IRAK1BP1: variants seen among roughly 807,000 people sequenced by gnomAD.
The protein encoded by IRAK1BP1 is interleukin-1 receptor-associated kinase 1-binding protein 1.
IRAK1BP1 carries 24 observed loss-of-function variants against 28.0 expected under a neutral mutation model. The ratio of observed to expected loss-of-function variants is 0.86; its 90% CI spans 0.62 to 1.20. The LOEUF (loss-of-function observed/expected upper bound fraction) is 1.20. Ranked by LOEUF, IRAK1BP1 falls within the 50% of genes most tolerant of loss-of-function variation. IRAK1BP1 has a pLI of 0.00. For synonymous variants in IRAK1BP1, 131 were observed against 116.3 expected, an observed-to-expected ratio of 1.13 and a Z score of -0.81; for missense variants, 336 against 316.7, an observed-to-expected ratio of 1.06 and a Z score of -0.46.
At chr6:78,968,155 T>C in the IRAK1BP1 span, among the ~76,000 whole-genome samples, 1 of 152,086 alleles carries the variant, frequency 6.6e-6, no homozygotes, top group East Asian at 1.9e-4. Context: ...TAAAATACAA[T>C]TTATCATATC....
chr6:78,973,868 T>A, the IRAK1BP1 span, among the ~76,000 whole-genome samples: 1 of 151,646 alleles, frequency 6.6e-6, no homozygotes, highest in East Asian at 2.0e-4. Context: ...GCACCCAGAT[T>A]CATAAAGCAA....
At chr6:78,921,066 C>A (rs1772710758) in intron 4 of IRAK1BP1, among the ~76,000 whole-genome samples, 1 of 152,190 alleles carries the variant, frequency 6.6e-6, no homozygotes, top group Non-Finnish European at 1.5e-5. Flanking sequence ...TGGGGATTGT[C>A]ATCCAGTGGG....
chr6:78,971,040 C>G, the IRAK1BP1 span: 664 of 590,574 alleles, frequency 1.1e-3, 6 homozygotes, highest in East Asian at 0.018. Context: ...CTCAAGTTGT[C>G]TTAACATCAC....
At chr6:78,946,089 A>G in exon 5 of IRAK1BP1, 1 of 1,613,620 alleles carries the variant, frequency 6.2e-7, no homozygotes, top group Non-Finnish European at 8.5e-7. Flanking sequence ...TGACAACTGG[A>G]TCTACAACCA....
chr6:78,965,526 A>G, the IRAK1BP1 span, among the ~76,000 whole-genome samples: 1 of 152,214 alleles, frequency 6.6e-6, no homozygotes, highest in East Asian at 1.9e-4. Context: ...AGTTATATCT[A>G]TCTTCTTCAC....
At chr6:78,870,918 C>T (rs2127664356) in intron 1 of IRAK1BP1, among the ~76,000 whole-genome samples, 1 of 152,068 alleles carries the variant, frequency 6.6e-6, no homozygotes, top group East Asian at 1.9e-4. Context: ...ACTGTGTTGG[C>T]CAGGCTGGTC....
At chr6:78,877,649 C>G (rs1172530244) in intron 1 of IRAK1BP1, among the ~76,000 whole-genome samples, 1 of 152,198 alleles carries the variant, frequency 6.6e-6, no homozygotes, top group Non-Finnish European at 1.5e-5. Flanking sequence ...GGGTGCGGGA[C>G]AGTGGGTGCA....
chr6:78,945,972 T>C, exon 5 of IRAK1BP1: 2 of 1,525,988 alleles, frequency 1.3e-6, no homozygotes, highest in African/African-American at 1.4e-5. Context: ...AATCATCATA[T>C]ACATTTCAAT....
the IRAK1BP1 span, among the ~76,000 whole-genome samples, chr6:78,961,155 G>A: frequency 2.6e-5 from 4 of 152,074 alleles, no homozygotes; most frequent in Admixed American, 2.0e-4. Context: ...TTGAAATTAT[G>A]CCTGGGCCAT....
the IRAK1BP1 span, chr6:78,961,641 AAAG>A: frequency 6.3e-7 from 1 of 1,592,730 alleles, no homozygotes; most frequent in Non-Finnish European, 8.6e-7. Flanking sequence ...AAATGGGTGG[AAAG>A]ATCACCAGCT....
chr6:78,880,784 C>T (rs1207120919), intron 1 of IRAK1BP1, among the ~76,000 whole-genome samples: 1 of 152,180 alleles, frequency 6.6e-6, no homozygotes, highest in East Asian at 1.9e-4. Flanking sequence ...AGATACTCAA[C>T]ATTACTTGTC....
intron 4 of IRAK1BP1, among the ~76,000 whole-genome samples, chr6:78,920,652 C>T (rs1331544694): frequency 1.3e-5 from 2 of 152,108 alleles, no homozygotes; most frequent in Non-Finnish European, 2.9e-5. Flanking sequence ...GATTTGAAGA[C>T]ATAAATGTAA....
At chr6:78,872,073 C>T (rs1562073578) in intron 1 of IRAK1BP1, 1 of 698,476 alleles carries the variant, frequency 1.4e-6, no homozygotes, top group Non-Finnish European at 2.6e-6. Flanking sequence ...ACTAGAATGA[C>T]TGAGGGAAAT....
downstream of IRAK1BP1, among the ~76,000 whole-genome samples, chr6:78,906,626 C>T (rs540524134): frequency 3.3e-5 from 5 of 152,114 alleles, no homozygotes; most frequent in Non-Finnish European, 7.4e-5. Flanking sequence ...CATTCCTCTA[C>T]TCCCCACCCC....
chr6:78,969,105 A>C, the IRAK1BP1 span, among the ~76,000 whole-genome samples: 2 of 152,188 alleles, frequency 1.3e-5, no homozygotes, highest in African/African-American at 4.8e-5. Flanking sequence ...ATGAGATGTA[A>C]ATTTTCTTTC....
the IRAK1BP1 span, among the ~76,000 whole-genome samples, chr6:78,976,060 T>G: frequency 6.3e-4 from 96 of 152,114 alleles, 1 homozygote; most frequent in South Asian, 8.1e-3. Context: ...AGGGCCCGCA[T>G]TGCCAAGTCA....
At chr6:78,924,386 A>G (rs1365672215) in intron 4 of IRAK1BP1, among the ~76,000 whole-genome samples, 2 of 152,200 alleles carry the variant, frequency 1.3e-5, no homozygotes, top group East Asian at 3.9e-4. Flanking sequence ...GAATCCCTGA[A>G]TAGAGCAATA....
At position 78,895,976 on chromosome 6, in the gene IRAK1BP1, C is replaced by G. The variant is rs568368121; in HGVS notation, c.382-1853C>G. Among the ~76,000 whole-genome samples, 4 of 152,224 alleles carry G rather than the reference C, an allele frequency of 2.6e-5. No homozygotes were observed. In the South Asian group the frequency reaches 8.3e-4, roughly 32 times the overall value. ...AAATCTGATAGAATCTACAAAAAAG[C>G]TATTAGAACTAGTAAACATCAAAAA... is the stretch of plus-strand genomic sequence containing the variant. On this transcript the variant is annotated intron_variant, in intron 2 of 3. Coordinates refer to ENST00000369940, the MANE Select transcript of IRAK1BP1 (RefSeq NM_001010844.4).
rs12193104 is a variant in IRAK1BP1, at chr6:78,873,197, G to A, written c.315+5306G>A. Among the ~76,000 whole-genome samples the A allele has an allele frequency of 3.7e-3, 496 of 134,358 alleles. 1 individual carries two copies. The highest frequency in any genetic ancestry group is 0.014 in the Middle Eastern group (3 of 212). 88.1% of individuals were successfully genotyped at this position (134,358 alleles called of 152,430 possible). A position where few individuals can be genotyped will look rare whatever the true frequency, so the allele number is the denominator to read the frequency against. On this transcript the variant is annotated intron_variant, in intron 1 of 3. Transcript: ENST00000369940. The stretch of plus-strand genomic sequence containing the variant: ...TTGAGCCCAGGAGGCAGAGGTGGCA[G>A]TGAGCTGAGATCACGCCACTGCACT...
Sources: allele counts gnomAD v4.1 joint callset (sites outside exome capture counted in the v4.1 genomes callset), GRCh38; gene constraint gnomAD v4.1.1; transcripts MANE v1.5; gene names NCBI Gene and HGNC (gene_info 2026-07-23, HGNC 2026-07-21).